The following L3MBTL3 variants were observed in gnomAD, a reference collection of about 807,000 sequenced individuals.
L3MBTL3 encodes the protein lethal(3)malignant brain tumor-like protein 3.
A neutral mutation model predicts 102.3 loss-of-function variants in L3MBTL3; 27 were observed. That is an observed-to-expected ratio of 0.26 (90% CI 0.19 to 0.36). The LOEUF (loss-of-function observed/expected upper bound fraction) is 0.36. Ranked by LOEUF, L3MBTL3 falls within the 10% of genes least tolerant of loss-of-function variation. L3MBTL3 has a pLI of 1.00. For missense variants in L3MBTL3, 798 were observed against 955.3 expected (o/e 0.84, Z 2.17); for synonymous variants, 340 against 320.9 (o/e 1.06, Z -0.64).
intron 2 of L3MBTL3, among the ~76,000 whole-genome samples, chr6:130,042,098 A>G (rs1170519224): frequency 6.6e-6 from 1 of 152,240 alleles, no homozygotes; most frequent in Non-Finnish European, 1.5e-5. Flanking sequence ...CAGTCTTAGA[A>G]CAACAGTATC....
intron 19 of L3MBTL3, among the ~76,000 whole-genome samples, chr6:130,106,196 CTAA>C (rs1288457434): frequency 1.3e-5 from 2 of 151,978 alleles, no homozygotes; most frequent in Non-Finnish European, 2.9e-5. Context: ...TATTGATTAC[CTAA>C]TAATTATTAC....
chr6:130,112,037 TG>T (rs1190767011), intron 19 of L3MBTL3, among the ~76,000 whole-genome samples: 1 of 152,238 alleles, frequency 6.6e-6, no homozygotes, highest in African/African-American at 2.4e-5. Flanking sequence ...ATCCTCTCTG[TG>T]CCATCTCCTA....
At chr6:130,066,687 A>G (rs1205003091) in intron 11 of L3MBTL3, among the ~76,000 whole-genome samples, 199 bp downstream of exon 11, 1 of 152,202 alleles carries the variant, frequency 6.6e-6, no homozygotes, top group Non-Finnish European at 1.5e-5. Context: ...AAGTATGTTC[A>G]TATGCTTATT....
intron 6 of L3MBTL3, among the ~76,000 whole-genome samples, chr6:130,051,786 C>T (rs752464603): frequency 2.0e-5 from 3 of 152,140 alleles, no homozygotes; most frequent in East Asian, 1.9e-4. Flanking sequence ...TTAGGTAACT[C>T]GGTTAAAACT....
At chr6:130,104,065 C>T (rs879679791) in intron 18 of L3MBTL3, among the ~76,000 whole-genome samples, 22 of 152,162 alleles carry the variant, frequency 1.4e-4, no homozygotes, top group African/African-American at 4.6e-4. Context: ...CTCCATTAAC[C>T]AATCAATCAG....
chr6:130,109,073 A>G (rs1437101145), intron 19 of L3MBTL3, among the ~76,000 whole-genome samples: 3 of 152,128 alleles, frequency 2.0e-5, no homozygotes, highest in East Asian at 1.9e-4. Flanking sequence ...TTCATGGTGT[A>G]TGTGTGTCAC....
At chr6:130,074,179 C>T (rs1020374547) in intron 13 of L3MBTL3, among the ~76,000 whole-genome samples, 12 of 152,092 alleles carry the variant, frequency 7.9e-5, no homozygotes, top group African/African-American at 2.9e-4. Context: ...AATTCTTTAT[C>T]TCTTTTTTAC....
At chr6:130,076,030 G>A (rs1045212641) in intron 13 of L3MBTL3, among the ~76,000 whole-genome samples, 2 of 152,110 alleles carry the variant, frequency 1.3e-5, no homozygotes, top group South Asian at 2.1e-4. Flanking sequence ...GATGACTCGG[G>A]CTGATGAGGT....
Position 130,125,899 on chromosome 6 carries a change from C to G in L3MBTL3, c.1966+4941C>G, listed in dbSNP as rs538720543. Among the ~76,000 whole-genome samples the G allele has an allele frequency of 2.0e-5, 3 of 152,196 alleles. No individual in the cohort carries two copies. In the East Asian group the frequency reaches 5.8e-4, roughly 29 times the overall value. On this transcript the variant is annotated intron_variant, in intron 20 of 22. Transcript: ENST00000361794. ...TAGGAGCAAATTGATTTAAAAGACACGCATGCACACACACACACCCCTCTT... is the reference window on the plus strand; with the variant it reads ...TAGGAGCAAATTGATTTAAAAGACAGGCATGCACACACACACACCCCTCTT...
At chr6:130,049,477 C>A (rs1367371504) in intron 4 of L3MBTL3, 84 bp downstream of exon 4, 2 of 920,110 alleles carry the variant, frequency 2.2e-6, no homozygotes, top group Non-Finnish European at 3.3e-6. Context: ...TAGGCTGGAA[C>A]TTTGAAGGCC....
chr6:130,035,487 GC>G (rs1312307519), intron 2 of L3MBTL3, among the ~76,000 whole-genome samples: 13 of 152,318 alleles, frequency 8.5e-5, no homozygotes, highest in African/African-American at 3.1e-4. Flanking sequence ...CTGTTCTCCA[GC>G]CCTTTTGTTG....
At chr6:130,108,722 A>G (rs951136963) in intron 19 of L3MBTL3, among the ~76,000 whole-genome samples, 1 of 151,746 alleles carries the variant, frequency 6.6e-6, no homozygotes, top group African/African-American at 2.4e-5. Context: ...GTTGTAGGGT[A>G]CATGTGCAGA....
chr6:130,049,839 A>G lies in L3MBTL3; in HGVS notation c.289+9A>G. 1.2e-6 allele frequency: 2 copies of G among 1,609,566 alleles called. No homozygotes were observed. Among genetic ancestry groups the G allele is most frequent in the Non-Finnish European group, 8.5e-7 (1 of 1,178,238 alleles). On this transcript the variant is annotated intron_variant, in intron 5 of 22. Coordinates refer to ENST00000361794, the MANE Select transcript of L3MBTL3 (RefSeq NM_032438.4). ...ACCTGGATGTCCCACAGGTACCTCA[A>G]ACTCCACATGTCTGAAATGCAATTC...
intron 22 of L3MBTL3, 104 bp downstream of exon 22, chr6:130,134,009 GGTGTGTT>G (rs1224448320): frequency 1.1e-6 from 1 of 880,442 alleles, no homozygotes; most frequent in Non-Finnish European, 1.9e-6. Context: ...AAAGAGATGG[GGTGTGTT>G]GAAATTGACA....
intron 6 of L3MBTL3, among the ~76,000 whole-genome samples, chr6:130,052,356 C>T (rs190732811): frequency 4.9e-4 from 74 of 152,308 alleles, no homozygotes; most frequent in African/African-American, 1.8e-3. Context: ...CCGCCTGCCT[C>T]AGCCTCCCGA....
chr6:130,061,082 C>CTTTTTT (rs146750598), intron 10 of L3MBTL3, among the ~76,000 whole-genome samples: 2 of 114,164 alleles, frequency 1.8e-5, no homozygotes, highest in African/African-American at 3.0e-5. Context: ...TCTGTTAGCT[C>CTTTTTT]TTTTTTTTTT....
chr6:130,034,479 G>A (rs1251463923), intron 2 of L3MBTL3, among the ~76,000 whole-genome samples: 1 of 152,100 alleles, frequency 6.6e-6, no homozygotes, highest in Non-Finnish European at 1.5e-5. Context: ...TCCTTTTGGA[G>A]CATTTGGTAG....
intron 14 of L3MBTL3, among the ~76,000 whole-genome samples, chr6:130,078,935 C>CA (rs1373584711): frequency 1.3e-5 from 2 of 152,042 alleles, no homozygotes; most frequent in Non-Finnish European, 2.9e-5. Context: ...AACAGAGTCT[C>CA]AAATTTTGTC....
intron 6 of L3MBTL3, 58 bp from the exon 7 acceptor site, chr6:130,052,801 A>G: frequency 2.6e-6 from 4 of 1,538,998 alleles, no homozygotes; most frequent in Non-Finnish European, 3.5e-6. Context: ...ATAATCAACA[A>G]GTAGATGTTT....
Sources: gnomAD v4.1 joint callset for allele counts (sites outside exome capture counted in the v4.1 genomes callset) on GRCh38, gnomAD v4.1.1 for gene constraint, MANE v1.5 for transcripts, NCBI Gene and HGNC (gene_info 2026-07-23, HGNC 2026-07-21) for gene names.